Variants in PAX7 observed in about 807,000 individuals in gnomAD.
PAX7 encodes the protein paired box protein Pax-7.
A neutral mutation model predicts 50.7 loss-of-function variants in PAX7; 18 were observed. The ratio of observed to expected loss-of-function variants is 0.36; its 90% CI spans 0.25 to 0.53. The LOEUF (loss-of-function observed/expected upper bound fraction) is 0.53. Among genes scored for constraint, PAX7 ranks in the 20% least tolerant of loss-of-function variants. PAX7 has a pLI of 0.93. For synonymous variants in PAX7, 310 were observed against 290.4 expected (o/e 1.07, Z -0.69); for missense variants, 644 against 702.9 (o/e 0.92, Z 0.95).
At chr1:18,703,505 T>C (rs1232775421) in intron 7 of PAX7, among the ~76,000 whole-genome samples, 1 of 152,240 alleles carries the variant, frequency 6.6e-6, no homozygotes, top group African/African-American at 2.4e-5. Context: ...GGCAGGACCA[T>C]GTCCTATTGG....
chr1:18,666,245 A>G (rs1261963403), intron 4 of PAX7, among the ~76,000 whole-genome samples: 3 of 152,190 alleles, frequency 2.0e-5, no homozygotes, highest in African/African-American at 7.2e-5. Context: ...CAAAATCATC[A>G]TTTAATTTAG....
At chr1:18,681,212 A>G (rs1180277586) in intron 4 of PAX7, among the ~76,000 whole-genome samples, 1 of 149,236 alleles carries the variant, frequency 6.7e-6, no homozygotes, top group African/African-American at 2.5e-5. Flanking sequence ...TGAGCTCCTC[A>G]TAGAGTGGGC....
intron 7 of PAX7, among the ~76,000 whole-genome samples, chr1:18,707,406 TTTTTC>T (rs1224584537): frequency 2.9e-5 from 3 of 102,716 alleles, no homozygotes; most frequent in East Asian, 3.7e-4. Context: ...TCCTTTTCTT[TTTTTC>T]TTTCTTTTTT....
At position 18,634,031 on chromosome 1, in the gene PAX7, C is replaced by T. The variant is rs576087876; in HGVS notation, c.86-272C>T. 3.9e-5 allele frequency among the ~76,000 whole-genome samples: 6 copies of T among 152,324 alleles called. No individual in the cohort carries two copies. The highest frequency in any genetic ancestry group is 3.9e-4 in the East Asian group (2 of 5,176). ...ATCCCCCAGGTGTGTCCTCATCCCT[C>T]GTAGTGTGGCAGGAGTTGGGGGACA... On this transcript the variant is annotated intron_variant, in intron 1 of 8. Coordinates refer to ENST00000420770, the MANE Select transcript of PAX7 (RefSeq NM_001135254.2). The surrounding 1 kb of genome is among the most constrained non-coding windows in gnomAD (Gnocchi z 4.0).
intron 4 of PAX7, among the ~76,000 whole-genome samples, chr1:18,681,995 C>A (rs2088908489): frequency 6.6e-6 from 1 of 152,144 alleles, no homozygotes; most frequent in South Asian, 2.1e-4. Flanking sequence ...ACCTTGGCCT[C>A]CCAAAGTGCT....
chr1:18,666,043 T>C (rs1223077448), intron 4 of PAX7, among the ~76,000 whole-genome samples: 1 of 152,112 alleles, frequency 6.6e-6, no homozygotes, highest in Non-Finnish European at 1.5e-5. Flanking sequence ...GCATTGTGGC[T>C]CCAGCCTGTA....
chr1:18,637,869 G>T (rs1481177312), intron 4 of PAX7, among the ~76,000 whole-genome samples: 2 of 152,238 alleles, frequency 1.3e-5, no homozygotes, highest in Admixed American at 6.5e-5. Context: ...CGGGCGCCCC[G>T]CTGTGCCCGG....
chr1:18,641,751 G>A (rs989708419), intron 4 of PAX7, among the ~76,000 whole-genome samples: 1 of 152,218 alleles, frequency 6.6e-6, no homozygotes, highest in African/African-American at 2.4e-5. Context: ...ATGGTGGAGG[G>A]GAGATTTACC....
chr1:18,718,187 A>G (rs2089451217), intron 7 of PAX7, among the ~76,000 whole-genome samples: 1 of 152,226 alleles, frequency 6.6e-6, no homozygotes, highest in South Asian at 2.1e-4. Flanking sequence ...GTGGAGGCAG[A>G]ATTCAGCTGA....
chr1:18,721,969 C>A (rs933438536), intron 7 of PAX7, among the ~76,000 whole-genome samples: 1 of 152,262 alleles, frequency 6.6e-6, no homozygotes. Flanking sequence ...CAATGGTTAC[C>A]AGCTGTGTGA....
intron 4 of PAX7, among the ~76,000 whole-genome samples, chr1:18,658,909 T>G (rs771578039): frequency 3.3e-5 from 5 of 152,236 alleles, no homozygotes; most frequent in Non-Finnish European, 7.3e-5. Context: ...CAAAATTTCC[T>G]TCATTTGAGC....
At chr1:18,668,774 A>G (rs1570146676) in intron 4 of PAX7, among the ~76,000 whole-genome samples, 1 of 152,330 alleles carries the variant, frequency 6.6e-6, no homozygotes, top group South Asian at 2.1e-4. Flanking sequence ...GGTACCAGAT[A>G]CTTTGCATGC....
intron 7 of PAX7, among the ~76,000 whole-genome samples, chr1:18,718,826 G>A (rs2089460860): frequency 6.6e-6 from 1 of 152,032 alleles, no homozygotes; most frequent in Non-Finnish European, 1.5e-5. Flanking sequence ...ATTTTTAGTA[G>A]AGACAGGGTT....
At chr1:18,706,836 T>C (rs904280237) in intron 7 of PAX7, among the ~76,000 whole-genome samples, 6 of 152,090 alleles carry the variant, frequency 3.9e-5, no homozygotes, top group African/African-American at 1.4e-4. Context: ...GATGAATTTG[T>C]GGCTCTACCG....
chr1:18,692,713 G>A (rs1481877057), intron 5 of PAX7, among the ~76,000 whole-genome samples: 3 of 152,214 alleles, frequency 2.0e-5, no homozygotes, highest in Non-Finnish European at 2.9e-5. Context: ...TTCTGTTACC[G>A]GAAGCATGCA....
In PAX7 at chr1:18,735,939, CCTG is replaced by C; in HGVS notation, c.1402+64_1402+66del. The stretch of plus-strand genomic sequence containing the variant: ...ATTCCTTCTCCCACCCCCAGGGCCT[CCTG>C]CTTGTTTATGGAGAGCTACAAGGTG... On this transcript the variant is annotated intron_variant, in intron 8 of 8. Coordinates refer to ENST00000420770, the MANE Select transcript of PAX7 (RefSeq NM_001135254.2). The surrounding 1 kb of genome is among the most constrained non-coding windows in gnomAD (Gnocchi z 4.0). The C allele has an allele frequency of 6.2e-7, 1 of 1,613,920 alleles. No homozygotes were observed. Among genetic ancestry groups the C allele is most frequent in the Non-Finnish European group, 8.5e-7 (1 of 1,180,024 alleles).
At position 18,631,620 on chromosome 1, in the gene PAX7, G is replaced by C. The variant is rs751581027; in HGVS notation, c.17G>C (p.Gly6Ala). MAALP[G>A]TVPRMMRPAP... ...TGCGCAAGAATGGCGGCCCTTCCCG[G>C]CACGGTACCGAGAATGATGCGGCCG... The change falls in exon 1 of 9, where the codon GGC becomes GCC. Residue 6 changes from glycine to alanine, a missense_variant. Transcript: ENST00000420770. The C allele has an allele frequency of 6.2e-7, 1 of 1,612,568 alleles. No homozygotes were observed. The highest frequency in any genetic ancestry group is 8.5e-7 in the Non-Finnish European group (1 of 1,179,734).
At chr1:18,721,690 G>C (rs536231036) in intron 7 of PAX7, among the ~76,000 whole-genome samples, 65 of 152,344 alleles carry the variant, frequency 4.3e-4, no homozygotes, top group Non-Finnish European at 8.2e-4. Context: ...CACTCATGGT[G>C]GTGGATGTGG....
chr1:18,675,192 T>C (rs1457246811), intron 4 of PAX7, among the ~76,000 whole-genome samples: 3 of 152,046 alleles, frequency 2.0e-5, no homozygotes, highest in Non-Finnish European at 2.9e-5. Context: ...TCCTGGGACA[T>C]AGTGGACCCT....
Sources: allele counts gnomAD v4.1 joint callset (sites outside exome capture counted in the v4.1 genomes callset), GRCh38; gene constraint gnomAD v4.1.1; non-coding constraint Gnocchi (gnomAD v3.1); transcripts MANE v1.5; gene names NCBI Gene and HGNC (gene_info 2026-07-23, HGNC 2026-07-21).